ALKAL1: variants seen among roughly 807,000 people sequenced by gnomAD.
ALKAL1 encodes AUG-beta.
A neutral mutation model predicts 13.5 loss-of-function variants in ALKAL1; 23 were observed. The observed-to-expected ratio is 1.70, with a 90% CI of 1.23 to 2.41. ALKAL1 has a LOEUF of 2.41. Ranked by LOEUF, ALKAL1 falls within the 30% of genes most tolerant of loss-of-function variation. The pLI, the probability that ALKAL1 is intolerant of heterozygous loss-of-function variation, is 0.00. For missense variants in ALKAL1, 181 were observed against 178.4 expected (o/e 1.01, Z -0.08); for synonymous variants, 85 against 77.7 (o/e 1.09, Z -0.49).
chr8:52,546,794 T>C (rs1333716376), intron 1 of ALKAL1, among the ~76,000 whole-genome samples: 1 of 152,240 alleles, frequency 6.6e-6, no homozygotes, highest in Non-Finnish European at 1.5e-5. Context: ...AGGTGTATTG[T>C]TGCCATTGTT....
At chr8:52,544,745 G>C (rs1847350142) in intron 1 of ALKAL1, among the ~76,000 whole-genome samples, 1 of 151,950 alleles carries the variant, frequency 6.6e-6, no homozygotes, top group Admixed American at 6.6e-5. Flanking sequence ...GCAGAGTTCA[G>C]GAGTTCTCAC....
At chr8:52,552,845 T>C (rs999772103) in intron 1 of ALKAL1, among the ~76,000 whole-genome samples, 3 of 152,258 alleles carry the variant, frequency 2.0e-5, no homozygotes, top group African/African-American at 7.2e-5. Context: ...GTCTTGGTTT[T>C]AGGGATTTCT....
intron 4 of ALKAL1, among the ~76,000 whole-genome samples, chr8:52,535,836 T>A (rs1287016165): frequency 1.3e-5 from 2 of 152,176 alleles, no homozygotes; most frequent in African/African-American, 4.8e-5. Context: ...AACTGTGAGA[T>A]AGTTTAAGTA....
chr8:52,537,352 C>G (rs901527947), intron 4 of ALKAL1, among the ~76,000 whole-genome samples: 2 of 152,048 alleles, frequency 1.3e-5, no homozygotes, highest in African/African-American at 2.4e-5. Flanking sequence ...GAAAAAGGAA[C>G]CTTTATATAC....
intron 4 of ALKAL1, among the ~76,000 whole-genome samples, chr8:52,537,708 G>GT (rs1210025890): frequency 6.6e-6 from 1 of 151,924 alleles, no homozygotes; most frequent in African/African-American, 2.4e-5. Flanking sequence ...GTTAAGTGAA[G>GT]TAAGTCAGGC....
chr8:52,547,540 G>T (rs1386559495), intron 1 of ALKAL1, among the ~76,000 whole-genome samples: 1 of 151,976 alleles, frequency 6.6e-6, no homozygotes, highest in Non-Finnish European at 1.5e-5. Context: ...TAAGTAAAAA[G>T]AAAACTCCCC....
intron 1 of ALKAL1, among the ~76,000 whole-genome samples, chr8:52,543,042 A>T (rs1471028299): frequency 6.6e-6 from 1 of 152,220 alleles, no homozygotes; most frequent in African/African-American, 2.4e-5. Context: ...ACTATAAGTC[A>T]TGATCTCTCC....
In ALKAL1 at chr8:52,539,838, C is replaced by T. The variant is rs147680673; in HGVS notation, c.318G>A (p.Thr106=). 9.3e-6 allele frequency: 15 copies of T among 1,605,778 alleles called. No homozygotes were observed. The highest frequency in any genetic ancestry group is 1.1e-5 in the Non-Finnish European group (13 of 1,176,230). The change falls in exon 3 of 5, where the codon ACG becomes ACA. Residue 106 remains threonine, a synonymous_variant. Transcript: ENST00000358543. ...RLYYNTRECS[T]PAYYKRCARL... The stretch of plus-strand genomic sequence containing the variant: ...CCCACCCAAGTTACTTACAAGCTGG[C>T]GTTGAGCACTCCCTGGTATTGTAAT...
chr8:52,562,276 C>T (rs1847558559), intron 1 of ALKAL1, among the ~76,000 whole-genome samples: 1 of 152,144 alleles, frequency 6.6e-6, no homozygotes, highest in South Asian at 2.1e-4. Context: ...AGGGTCTGAA[C>T]TAGAGTGGTG....
chr8:52,551,755 T>C (rs1013198404), intron 1 of ALKAL1, among the ~76,000 whole-genome samples: 7 of 152,180 alleles, frequency 4.6e-5, no homozygotes, highest in Admixed American at 1.3e-4. Context: ...CTGTGACAAA[T>C]AGCTTTAAAA....
At chr8:52,564,505 T>C (rs1236532315) in intron 1 of ALKAL1, among the ~76,000 whole-genome samples, 2 of 152,194 alleles carry the variant, frequency 1.3e-5, no homozygotes, top group African/African-American at 4.8e-5. Flanking sequence ...GGAACCTGAC[T>C]GTCCAAAGTT....
chr8:52,558,321 CTGGG>C (rs1176224866), intron 1 of ALKAL1, among the ~76,000 whole-genome samples: 1 of 121,238 alleles, frequency 8.2e-6, no homozygotes, highest in Middle Eastern at 7.2e-3. Flanking sequence ...GCACTCCAGC[CTGGG>C]TGACAGAGTC....
At chr8:52,562,669 A>T (rs971832764) in intron 1 of ALKAL1, among the ~76,000 whole-genome samples, 3 of 152,216 alleles carry the variant, frequency 2.0e-5, no homozygotes, top group African/African-American at 7.2e-5. Flanking sequence ...AAAAAGGCAG[A>T]CAGAGCAAGT....
At chr8:52,560,573 G>A (rs1366075115) in intron 1 of ALKAL1, among the ~76,000 whole-genome samples, 1 of 152,204 alleles carries the variant, frequency 6.6e-6, no homozygotes, top group African/African-American at 2.4e-5. Context: ...ACCAATATGT[G>A]ATTGGAAAGT....
At chr8:52,536,493 G>T (rs748547063) in intron 4 of ALKAL1, among the ~76,000 whole-genome samples, 1 of 152,102 alleles carries the variant, frequency 6.6e-6, no homozygotes, top group Non-Finnish European at 1.5e-5. Context: ...TTGCCCAAGG[G>T]CTCCTACGAT....
chr8:52,546,086 T>A (rs1212832651), intron 1 of ALKAL1, among the ~76,000 whole-genome samples: 1 of 152,202 alleles, frequency 6.6e-6, no homozygotes, highest in African/African-American at 2.4e-5. Flanking sequence ...ATAGTAAAAA[T>A]ACAGTATTAT....
chr8:52,546,944 C>G (rs912310932), intron 1 of ALKAL1, among the ~76,000 whole-genome samples: 1 of 152,130 alleles, frequency 6.6e-6, no homozygotes, highest in Non-Finnish European at 1.5e-5. Flanking sequence ...AGAAAGTTTG[C>G]CAATGCCTGC....
Position 52,565,136 on chromosome 8 carries a change from C to A in ALKAL1, c.121G>T (p.Glu41Ter). 5.0e-6 allele frequency: 7 copies of A among 1,412,272 alleles called. No individual in the cohort carries two copies. Among genetic ancestry groups the A allele is most frequent in the Admixed American group, 3.0e-5 (1 of 33,104 alleles). 87.5% of individuals were successfully genotyped at this position (1,412,272 alleles called of 1,614,324 possible). A position where few individuals can be genotyped will look rare whatever the true frequency, so the allele number is the denominator to read the frequency against. The change falls in exon 1 of 5, where the codon GAG (glutamate) becomes TAG (stop). Residue 41 changes from glutamate (E) to a stop codon, truncating the protein, a stop_gained. Coordinates refer to ENST00000358543, the MANE Select transcript of ALKAL1 (RefSeq NM_207413.4). LOFTEE classifies it high-confidence loss of function. ...GGGAGGAAAAGCAACGGCTTGGGCT[C>A]CTTATCCGTGACGCGCGCTCCCCTG... ...GRRGARVTDK[E>*]PKPLLFLPAA... is the part of the protein sequence containing the mutation.
At chr8:52,546,145 G>A (rs966199914) in intron 1 of ALKAL1, among the ~76,000 whole-genome samples, 2 of 152,192 alleles carry the variant, frequency 1.3e-5, no homozygotes, top group Non-Finnish European at 1.5e-5. Flanking sequence ...TGACAGAAAC[G>A]TCCTTTTGTG....
Sources: allele counts gnomAD v4.1 joint callset (sites outside exome capture counted in the v4.1 genomes callset), GRCh38; gene constraint gnomAD v4.1.1; transcripts MANE v1.5; gene names NCBI Gene and HGNC (gene_info 2026-07-23, HGNC 2026-07-21).